The following TEAD1 variants were observed in gnomAD, a reference collection of about 807,000 sequenced individuals.
TEAD1 encodes TEA domain transcription factor 1.
In TEAD1, 9 loss-of-function variants were observed where a neutral mutation model predicts 54.9. That is an observed-to-expected ratio of 0.16 (90% confidence interval 0.10 to 0.29). The LOEUF (loss-of-function observed/expected upper bound fraction) is 0.29. Among genes scored for constraint, TEAD1 ranks in the 10% least tolerant of loss-of-function variants. The probability of loss-of-function intolerance (pLI) is 1.00; values close to 1 mark genes in which losing one functional copy is unlikely to be tolerated. For missense variants in TEAD1, 387 were observed against 535.9 expected, an observed-to-expected ratio of 0.72 and a Z score of 2.74; for synonymous variants, 200 against 187.8, an observed-to-expected ratio of 1.07 and a Z score of -0.53.
At chr11:12,705,589 A>C (rs962831825) in intron 2 of TEAD1, among the ~76,000 whole-genome samples, 7 of 152,182 alleles carry the variant, frequency 4.6e-5, no homozygotes, top group Admixed American at 6.5e-5. Flanking sequence ...AAGTGAAGAA[A>C]ATTTTATCTT....
chr11:12,741,151 A>G (rs759075832), intron 2 of TEAD1, among the ~76,000 whole-genome samples: 1 of 152,190 alleles, frequency 6.6e-6, no homozygotes. Context: ...GCTTTTAAAA[A>G]TTCATATTCT....
At chr11:12,764,577 C>A in intron 3 of TEAD1, 143 bp downstream of exon 3, 1 of 991,850 alleles carries the variant, frequency 1.0e-6, no homozygotes, top group Non-Finnish European at 1.5e-6. Flanking sequence ...ATCCAAAGGA[C>A]TCACCCTAAA....
intron 5 of TEAD1, 115 bp downstream of exon 5, chr11:12,865,015 T>A: frequency 8.8e-7 from 1 of 1,140,804 alleles, no homozygotes; most frequent in Non-Finnish European, 1.3e-6. Context: ...TCCTTGCATG[T>A]GAGAGCTGTT....
At chr11:12,775,611 C>G (rs139834381) in intron 3 of TEAD1, among the ~76,000 whole-genome samples, 384 of 152,242 alleles carry the variant, frequency 2.5e-3, no homozygotes, top group African/African-American at 8.8e-3. Flanking sequence ...CTGTTGGTCT[C>G]TCACTAAAGG....
chr11:12,694,191 G>A (rs905511809), intron 2 of TEAD1, among the ~76,000 whole-genome samples: 1 of 152,162 alleles, frequency 6.6e-6, no homozygotes, highest in Admixed American at 6.5e-5. Flanking sequence ...AAAACTAGGG[G>A]ACATGCAAGC....
chr11:12,862,402 T>C (rs1564967711), intron 4 of TEAD1, 88 bp downstream of exon 4: 2 of 1,216,428 alleles, frequency 1.6e-6, no homozygotes, highest in African/African-American at 3.0e-5. Flanking sequence ...CTTTGGCTCC[T>C]AGGAGCCCCC....
At chr11:12,854,790 G>A (rs930235334) in intron 3 of TEAD1, among the ~76,000 whole-genome samples, 2 of 147,730 alleles carry the variant, frequency 1.4e-5, no homozygotes, top group African/African-American at 5.0e-5. Context: ...AAGAGATAGG[G>A]TCTCACTCTC....
At chr11:12,694,735 AC>A (rs1160360300) in intron 2 of TEAD1, among the ~76,000 whole-genome samples, 3 of 152,264 alleles carry the variant, frequency 2.0e-5, no homozygotes, top group Admixed American at 2.0e-4. Context: ...ACCAACTCTT[AC>A]CTTCTTTTTC....
intron 2 of TEAD1, among the ~76,000 whole-genome samples, chr11:12,684,866 C>T (rs557650081): frequency 6.6e-6 from 1 of 152,324 alleles, no homozygotes; most frequent in South Asian, 2.1e-4. Context: ...AATGGTTGCC[C>T]ATCTCTTTAG....
chr11:12,817,103 CT>C (rs1843545171), intron 3 of TEAD1, among the ~76,000 whole-genome samples: 1 of 152,358 alleles, frequency 6.6e-6, no homozygotes, highest in Admixed American at 6.5e-5. Context: ...ACGCTAGCTA[CT>C]TTGCCTTTGT....
chr11:12,721,884 G>A (rs1470471174), intron 2 of TEAD1, among the ~76,000 whole-genome samples: 1 of 152,210 alleles, frequency 6.6e-6, no homozygotes, highest in Non-Finnish European at 1.5e-5. Flanking sequence ...GAGTTTGAGT[G>A]TTTGGCAGAT....
chr11:12,808,638 A>G (rs1389290078), intron 3 of TEAD1, among the ~76,000 whole-genome samples: 1 of 152,090 alleles, frequency 6.6e-6, no homozygotes, highest in Admixed American at 6.5e-5. Flanking sequence ...GGAGAGGTGG[A>G]TGATTTTGCT....
chr11:12,715,981 G>A (rs1944052555), intron 2 of TEAD1, among the ~76,000 whole-genome samples: 2 of 152,034 alleles, frequency 1.3e-5, no homozygotes, highest in South Asian at 4.2e-4. Flanking sequence ...AAAAATCTTG[G>A]CCAAGGAATC....
chr11:12,709,191 G>A (rs1564913836), intron 2 of TEAD1, among the ~76,000 whole-genome samples: 1 of 152,078 alleles, frequency 6.6e-6, no homozygotes, highest in East Asian at 1.9e-4. Context: ...TACAAAAATT[G>A]GTTGGGCTTG....
intron 5 of TEAD1, among the ~76,000 whole-genome samples, chr11:12,870,564 C>CA (rs926544073): frequency 5.9e-5 from 9 of 151,266 alleles, no homozygotes; most frequent in African/African-American, 2.2e-4. Flanking sequence ...TCTCCCCCGC[C>CA]CCCCCCGGGG....
chr11:12,826,020 C>T (rs1946646764), intron 3 of TEAD1, among the ~76,000 whole-genome samples: 1 of 152,180 alleles, frequency 6.6e-6, no homozygotes, highest in South Asian at 2.1e-4. Context: ...TAGAATTTAA[C>T]TCAAAATGGA....
chr11:12,796,051 G>C (rs1004594348), intron 3 of TEAD1, among the ~76,000 whole-genome samples: 1 of 152,204 alleles, frequency 6.6e-6, no homozygotes, highest in Non-Finnish European at 1.5e-5. Context: ...TTTTTGCACA[G>C]GTTCTTCTTT....
chr11:12,890,685 G>T (rs765140665), intron 9 of TEAD1, among the ~76,000 whole-genome samples: 1 of 152,208 alleles, frequency 6.6e-6, no homozygotes, highest in Non-Finnish European at 1.5e-5. Flanking sequence ...TTGAGCCAGA[G>T]CTCTGGACAG....
rs764071747 is a variant in TEAD1 at position 12,883,009 on chromosome 11, C to T, written c.583C>T (p.Pro195Ser). The T allele has an allele frequency of 1.2e-6, 2 of 1,614,160 alleles. No individual in the cohort carries two copies. The highest frequency in any genetic ancestry group is 1.7e-5 in the Admixed American group (1 of 60,026). Residue 195 changes from proline (P) to serine (S), a missense_variant, in exon 9 of 13, where the codon CCT becomes TCT. Physicochemically the swap from Pro to Ser is moderately conservative, Grantham distance 74. Transcript: ENST00000527636. ...GACGATTGCTCTTTCAGGGTTTGAG[C>T]CTGCATCGGCCCCAGCTCCCTCAGT...
Sources: allele counts gnomAD v4.1 joint callset (sites outside exome capture counted in the v4.1 genomes callset), GRCh38; gene constraint gnomAD v4.1.1; transcripts MANE v1.5; gene names NCBI Gene and HGNC (gene_info 2026-07-23, HGNC 2026-07-21).